The following DCAF1 variants were observed in gnomAD, a reference collection of about 807,000 sequenced individuals.
DCAF1 encodes the protein DDB1 and CUL4 associated factor 1, also known as DDB1- and CUL4-associated factor 1.
DCAF1 carries 15 observed loss-of-function variants against 128.0 expected under a neutral mutation model. That is an observed-to-expected ratio of 0.12 (90% confidence interval 0.08 to 0.18). The LOEUF is 0.18. Ranked by LOEUF, DCAF1 falls within the 10% of genes least tolerant of loss-of-function variation. The pLI, the probability that DCAF1 is intolerant of heterozygous loss-of-function variation, is 1.00. For synonymous variants in DCAF1, 610 were observed against 603.0 expected (o/e 1.01, Z -0.17); for missense variants, 988 against 1,649.5 (o/e 0.60, Z 6.95).
chr3:51,403,156 C>G lies in DCAF1; in HGVS notation c.4452G>C (p.Leu1484=), dbSNP rs1553625460. 1 of 1,612,390 alleles carries G rather than the reference C, an allele frequency of 6.2e-7. No homozygotes were observed. Among genetic ancestry groups the G allele is most frequent in the Non-Finnish European group, 8.5e-7 (1 of 1,179,050 alleles). Residue 1484 remains leucine (L), a synonymous_variant, in exon 24 of 25, where the codon CTG becomes CTC. Transcript: ENST00000684031. ...EDSDADEEVE[L]ILGDTDSSDN... Reference sequence around the variant, plus strand: ...CCCTATACTTACTGTCCCCCAGGATCAGTTCCACCTCCTCATCTGCATCAG... The same window carrying G: ...CCCTATACTTACTGTCCCCCAGGATGAGTTCCACCTCCTCATCTGCATCAG...
intron 13 of DCAF1, 60 bp from the exon 14 acceptor site, chr3:51,422,491 C>G: frequency 1.4e-6 from 1 of 712,676 alleles, no homozygotes; most frequent in Non-Finnish European, 2.6e-6. Context: ...TCAAGAGAGA[C>G]AGAGAGAGAG....
Position 51,426,194 on chromosome 3 carries a change from C to T in DCAF1, c.1847+1178G>A, listed in dbSNP as rs374733483. Among the ~76,000 whole-genome samples, 455 of 151,938 alleles carry T rather than the reference C, an allele frequency of 3.0e-3. 21 individuals are homozygous for T. In the South Asian group the frequency reaches 0.09, roughly 30 times the overall value. On this transcript the variant is annotated intron_variant, in intron 13 of 24. Transcript: ENST00000684031. ...TATTTTGGAAATTTTTCATGAATAA[C>T]GCAAACATGCAATGGGTTCACTTTT...
chr3:51,436,430 G>A lies in DCAF1; in HGVS notation c.1129-3166C>T, dbSNP rs782801880. The A allele has an allele frequency of 1.5e-5, 8 of 519,868 alleles. No individual in the cohort carries two copies. The East Asian group carries it at 1.6e-4, about 11-fold the overall frequency. The allele number at this position is 519,868 out of a possible 1,614,324, so 32.2% of individuals were successfully genotyped here. ...GATCCTTCTGAGGATGCTAGAATACGGAATTATGACACTGAGCCATGTCAG... is the reference window on the plus strand; with the variant it reads ...GATCCTTCTGAGGATGCTAGAATACAGAATTATGACACTGAGCCATGTCAG... On this transcript the variant is annotated intron_variant, in intron 9 of 24. Coordinates refer to ENST00000684031, the MANE Select transcript of DCAF1 (RefSeq NM_001387579.1).
chr3:51,454,312 C>G (rs1239592693), intron 6 of DCAF1, among the ~76,000 whole-genome samples: 3 of 152,142 alleles, frequency 2.0e-5, no homozygotes, highest in African/African-American at 7.2e-5. Context: ...GCCTCACAAA[C>G]TCCTGGGATT....
At chr3:51,469,831 G>C (rs1553647858) in intron 4 of DCAF1, among the ~76,000 whole-genome samples, 1 of 151,864 alleles carries the variant, frequency 6.6e-6, no homozygotes, top group Non-Finnish European at 1.5e-5. Context: ...GACCAGCTTG[G>C]CCAACATGGT....
chr3:51,417,859 T>C (rs1553630921), intron 17 of DCAF1, among the ~76,000 whole-genome samples: 1 of 151,968 alleles, frequency 6.6e-6, no homozygotes, highest in Non-Finnish European at 1.5e-5. Flanking sequence ...TGCAATGTCC[T>C]ATGTGAACAT....
intron 14 of DCAF1, 74 bp from the exon 15 acceptor site, chr3:51,421,071 A>T: frequency 6.6e-7 from 1 of 1,507,086 alleles, no homozygotes; most frequent in Non-Finnish European, 8.9e-7. Context: ...CCAGAGTCAA[A>T]ATTTGGTGTT....
chr3:51,437,522 T>C, intron 9 of DCAF1: 1 of 355,490 alleles, frequency 2.8e-6, no homozygotes, highest in South Asian at 2.2e-5. Flanking sequence ...TTTTATAAAA[T>C]GTATAACAGG....
chr3:51,441,342 A>C (rs782618551), intron 8 of DCAF1, 43 bp downstream of exon 8: 2 of 1,568,624 alleles, frequency 1.3e-6, no homozygotes, highest in South Asian at 1.2e-5. Flanking sequence ...AAATGAACAC[A>C]ATAATTCCTA....
At chr3:51,412,109 TAA>T (rs782087400) in intron 23 of DCAF1, among the ~76,000 whole-genome samples, 11 of 29,448 alleles carry the variant, frequency 3.7e-4, no homozygotes, top group African/African-American at 1.3e-3. Context: ...AACTCCATTC[TAA>T]AAAAAAAAAA....
intron 9 of DCAF1, among the ~76,000 whole-genome samples, chr3:51,438,911 G>C (rs781815578): frequency 6.6e-6 from 1 of 151,932 alleles, no homozygotes; most frequent in Non-Finnish European, 1.5e-5. Flanking sequence ...GCGCTGCGCC[G>C]AAGTGTTATA....
chr3:51,431,233 C>T (rs1278626206), intron 10 of DCAF1, among the ~76,000 whole-genome samples: 1 of 151,916 alleles, frequency 6.6e-6, no homozygotes, highest in Non-Finnish European at 1.5e-5. Flanking sequence ...TAAAAAATCA[C>T]AAGGCCAGGC....
At chr3:51,480,883 T>C (rs1422458182) in intron 3 of DCAF1, among the ~76,000 whole-genome samples, 1 of 152,152 alleles carries the variant, frequency 6.6e-6, no homozygotes, top group Non-Finnish European at 1.5e-5. Flanking sequence ...TGTAAAATTC[T>C]TGAAAGCACA....
rs372590969 is a variant in DCAF1, at chr3:51,418,214, G to T, written c.3436-16C>A. 6.2e-7 allele frequency: 1 copy of T among 1,601,510 alleles called. No individual in the cohort carries two copies. The highest frequency in any genetic ancestry group is 8.5e-7 in the Non-Finnish European group (1 of 1,174,144). On this transcript the variant is annotated splice_polypyrimidine_tract_variant and intron_variant, in intron 16 of 24. Transcript: ENST00000684031. ...AGGACCCATCCTAAAAGAAAAAGGC[G>T]CAAGGTGGGTAACCACGTATTTACA... is the stretch of plus-strand genomic sequence containing the variant.
At position 51,454,141 on chromosome 3, in the gene DCAF1, G is replaced by T. The variant is rs1431756639; in HGVS notation, c.375+8973C>A. On this transcript the variant is annotated intron_variant, in intron 6 of 24. Transcript: ENST00000684031. Reference sequence around the variant, plus strand: ...AACCATAGCCTCTACTTCCTGAGTTGAAGCGATCCTCCCGCCTCAGCATTC... The same window carrying T: ...AACCATAGCCTCTACTTCCTGAGTTTAAGCGATCCTCCCGCCTCAGCATTC... 2.6e-5 allele frequency among the ~76,000 whole-genome samples: 4 copies of T among 152,134 alleles called. No individual in the cohort carries two copies. In the East Asian group the frequency reaches 7.7e-4, roughly 29 times the overall value.
chr3:51,417,441 C>T (rs377526161), intron 17 of DCAF1, among the ~76,000 whole-genome samples: 1 of 152,104 alleles, frequency 6.6e-6, no homozygotes, highest in East Asian at 1.9e-4. Flanking sequence ...AAAGAAAAGG[C>T]CAGGTGCGGT....
At chr3:51,435,179 A>G (rs1700698323) in intron 9 of DCAF1, among the ~76,000 whole-genome samples, 1 of 152,198 alleles carries the variant, frequency 6.6e-6, no homozygotes, top group South Asian at 2.1e-4. Flanking sequence ...AGATGCAGCT[A>G]AACTGTGTGA....
chr3:51,430,988 TG>T (rs1384965815), intron 10 of DCAF1, among the ~76,000 whole-genome samples: 1 of 152,098 alleles, frequency 6.6e-6, no homozygotes, highest in Non-Finnish European at 1.5e-5. Context: ...ACCCACAGCC[TG>T]GGCAAAATGG....
chr3:51,407,518 T>C (rs1697970943), intron 23 of DCAF1, among the ~76,000 whole-genome samples: 1 of 152,052 alleles, frequency 6.6e-6, no homozygotes, highest in Non-Finnish European at 1.5e-5. Flanking sequence ...CAAAATGGAG[T>C]GGAAAACAGA....
Sources: gnomAD v4.1 joint callset for allele counts (sites outside exome capture counted in the v4.1 genomes callset) on GRCh38, gnomAD v4.1.1 for gene constraint, MANE v1.5 for transcripts, NCBI Gene and HGNC (gene_info 2026-07-23, HGNC 2026-07-21) for gene names.